Variants in FCRLA observed in about 807,000 individuals in gnomAD.
FCRLA encodes the protein Fc receptor-like A.
FCRLA carries 26 observed loss-of-function variants against 28.4 expected under a neutral mutation model. That is an observed-to-expected ratio of 0.91 (90% confidence interval 0.67 to 1.27). FCRLA has a LOEUF of 1.27. FCRLA is among the 50% of genes most tolerant of loss of function. FCRLA has a pLI of 0.00. For missense variants in FCRLA, 422 were observed against 433.1 expected (o/e 0.97, Z 0.23); for synonymous variants, 174 against 168.5 (o/e 1.03, Z -0.25).
At chr1:161,710,043 G>A (rs1241888588) in intron 1 of FCRLA, among the ~76,000 whole-genome samples, 1 of 152,158 alleles carries the variant, frequency 6.6e-6, no homozygotes, top group East Asian at 1.9e-4. Flanking sequence ...AGACACTGCT[G>A]GGTACTGAAA....
Position 161,713,307 on chromosome 1 carries a change from G to A in FCRLA, c.1007G>A (p.Gly336Asp). The part of the protein sequence containing the change: ...KHMQDVRVLL[G>D]HLLMELRELS... The stretch of plus-strand genomic sequence containing the variant: ...ATGCAGGATGTGAGAGTCCTCCTCG[G>A]TCACCTGCTCATGGAGTTGAGGGAA... Residue 336 changes from glycine to aspartate, a missense_variant, in exon 5 of 5, where the codon GGT becomes GAT. Gly to Asp is a moderately conservative substitution (Grantham distance 94). This residue lies in a region of FCRLA where 185 missense variants were observed against 198.1 expected (regional missense o/e 0.93). Coordinates refer to ENST00000236938, the MANE Select transcript of FCRLA (RefSeq NM_032738.4). 3.1e-6 allele frequency: 5 copies of A among 1,614,210 alleles called. No individual in the cohort carries two copies. In the South Asian group the frequency reaches 5.5e-5, roughly 18 times the overall value.
chr1:161,710,679 C>G, intron 1 of FCRLA, 81 bp from the exon 2 acceptor site: 1 of 1,573,060 alleles, frequency 6.4e-7, no homozygotes. Context: ...GATGATTATC[C>G]TGGGAGATGG....
chr1:161,711,687 C>A, intron 3 of FCRLA: 5 of 728,628 alleles, frequency 6.9e-6, no homozygotes, highest in Non-Finnish European at 1.1e-5. Context: ...TCCTACCACC[C>A]AGATCTATGC....
chr1:161,708,112 C>T (rs1682919131), intron 1 of FCRLA, among the ~76,000 whole-genome samples: 1 of 152,212 alleles, frequency 6.6e-6, no homozygotes. Context: ...TATCTACCTA[C>T]ATATCTCACA....
intron 2 of FCRLA, 66 bp downstream of exon 2, chr1:161,710,978 G>T: frequency 6.3e-7 from 1 of 1,594,498 alleles, no homozygotes; most frequent in Non-Finnish European, 8.6e-7. Context: ...GCCCACCCAG[G>T]AAAGTGTCCC....
At chr1:161,712,280 A>G (rs1683142503) in intron 4 of FCRLA, 62 bp downstream of exon 4, 3 of 1,553,196 alleles carry the variant, frequency 1.9e-6, no homozygotes, top group Non-Finnish European at 2.6e-6. Flanking sequence ...AAGGAGGGAT[A>G]GGATAAATTG....
intron 2 of FCRLA, 62 bp from the exon 3 acceptor site, chr1:161,711,146 T>A: frequency 1.3e-6 from 2 of 1,553,084 alleles, no homozygotes; most frequent in Non-Finnish European, 1.7e-6. Context: ...GGAGTAGGCA[T>A]GCTTGGGGGT....
At position 161,713,419 on chromosome 1, in the gene FCRLA, A is replaced by G; in HGVS notation, c.*39A>G. The G allele has an allele frequency of 1.3e-6, 2 of 1,499,332 alleles. No individual in the cohort carries two copies. The highest frequency in any genetic ancestry group is 1.8e-6 in the Non-Finnish European group (2 of 1,098,970). The allele number at this position is 1,499,332 out of a possible 1,614,324, so 92.9% of individuals were successfully genotyped here. A position where few individuals can be genotyped will look rare whatever the true frequency, so the allele number is the denominator to read the frequency against. ...ATCCATGATCTCACTTAACCACCCC[A>G]ATAAATCTGATTCTTTATTTTCTCT... On this transcript the variant is annotated 3_prime_UTR_variant, in exon 5 of 5. Coordinates refer to ENST00000236938, the MANE Select transcript of FCRLA (RefSeq NM_032738.4).
At chr1:161,708,729 G>T (rs1186454262) in intron 1 of FCRLA, among the ~76,000 whole-genome samples, 2 of 152,074 alleles carry the variant, frequency 1.3e-5, no homozygotes, top group East Asian at 3.9e-4. Flanking sequence ...AAATGTGTAG[G>T]TACCCCTAAA....
At chr1:161,708,770 A>G (rs1682955470) in intron 1 of FCRLA, among the ~76,000 whole-genome samples, 1 of 152,220 alleles carries the variant, frequency 6.6e-6, no homozygotes, top group Non-Finnish European at 1.5e-5. Context: ...TTTTCCAGGT[A>G]GCTTTTCTTG....
At chr1:161,711,761 C>T in intron 3 of FCRLA, 173 bp from the exon 4 acceptor site, 1 of 873,420 alleles carries the variant, frequency 1.1e-6, no homozygotes, top group South Asian at 1.7e-5. Context: ...TGGATCTTTC[C>T]TAGTCCTGTC....
intron 1 of FCRLA, among the ~76,000 whole-genome samples, chr1:161,709,189 G>A (rs1216399652): frequency 6.6e-6 from 1 of 152,072 alleles, no homozygotes. Context: ...GTGCAGTGGT[G>A]CAATCACTGC....
chr1:161,712,614 G>A (rs989084792), intron 4 of FCRLA, among the ~76,000 whole-genome samples: 8 of 152,194 alleles, frequency 5.3e-5, no homozygotes, highest in Admixed American at 4.6e-4. Context: ...CAGAAGAGGT[G>A]TCCAGGGTGA....
chr1:161,714,345 G>T lies in FCRLA; in HGVS notation c.*965G>T, dbSNP rs1331635702. The T allele has an allele frequency of 6.6e-6, 1 of 152,338 alleles. No homozygotes were observed. Among genetic ancestry groups the T allele is most frequent in the South Asian group, 2.1e-4 (1 of 4,830 alleles). 9.4% of individuals were successfully genotyped at this position (152,338 alleles called of 1,614,324 possible). Reference sequence around the variant, plus strand: ...TATGAGAAATAAAATTCTGTTGTTTGTAAGCTATTCAGTTTGTGTATTTTG... The same window carrying T: ...TATGAGAAATAAAATTCTGTTGTTTTTAAGCTATTCAGTTTGTGTATTTTG... On this transcript the variant is annotated 3_prime_UTR_variant, in exon 5 of 5. Coordinates refer to ENST00000236938, the MANE Select transcript of FCRLA (RefSeq NM_032738.4).
Position 161,713,699 on chromosome 1 carries a change from A to C in FCRLA, c.*319A>C. The C allele has an allele frequency of 5.0e-6, 1 of 199,414 alleles. No homozygotes were observed. Among genetic ancestry groups the C allele is most frequent in the Non-Finnish European group, 1.0e-5 (1 of 99,574 alleles). 12.4% of individuals were successfully genotyped at this position (199,414 alleles called of 1,614,324 possible). Reference sequence around the variant, plus strand: ...AATACAGCAGTCTCAACTGGGGGCAATTTTGCCCCCCAGAGGACATTGGGC... The same window carrying C: ...AATACAGCAGTCTCAACTGGGGGCACTTTTGCCCCCCAGAGGACATTGGGC... On this transcript the variant is annotated 3_prime_UTR_variant, in exon 5 of 5. Transcript: ENST00000236938.
Position 161,708,547 on chromosome 1 carries a change from A to G in FCRLA, c.79+1204A>G, listed in dbSNP as rs917186817. ...TTTATCATGGCACAAAAGGCCAAGC[A>G]GCCTCTACTTTTACCCTCTCAGCCT... On this transcript the variant is annotated intron_variant, in intron 1 of 4. Transcript: ENST00000236938. 7.2e-5 allele frequency among the ~76,000 whole-genome samples: 11 copies of G among 152,258 alleles called. No individual in the cohort carries two copies. In the East Asian group the frequency reaches 2.1e-3, roughly 29 times the overall value.
intron 4 of FCRLA, 42 bp from the exon 5 acceptor site, chr1:161,713,043 T>A (rs1683182471): frequency 6.4e-7 from 1 of 1,569,372 alleles, no homozygotes; most frequent in Non-Finnish European, 8.6e-7. Context: ...AGGGCCAGAG[T>A]CAGACTTCAC....
intron 4 of FCRLA, 151 bp downstream of exon 4, chr1:161,712,369 T>A (rs1683146769): frequency 2.2e-6 from 2 of 919,470 alleles, no homozygotes; most frequent in Non-Finnish European, 3.2e-6. Context: ...GAATCCCTGA[T>A]GATGAGAGAC....
In FCRLA at chr1:161,712,136, C is replaced by T. The variant is rs150681939; in HGVS notation, c.702C>T (p.His234=). Residue 234 remains histidine (H), a synonymous_variant, in exon 4 of 5, where the codon CAC becomes CAT. Coordinates refer to ENST00000236938, the MANE Select transcript of FCRLA (RefSeq NM_032738.4). ...AGATCCCCACAGCTTCAGAAGATCA[C>T]TCCGGGTCATACTGGTGTGAGGCAG... is the stretch of plus-strand genomic sequence containing the variant. ...EFQIPTASED[H]SGSYWCEAAT... 2.5e-6 allele frequency: 4 copies of T among 1,614,194 alleles called. No homozygotes were observed. Among genetic ancestry groups the T allele is most frequent in the African/African-American group, 1.3e-5 (1 of 75,042 alleles).
Sources: gnomAD v4.1 joint callset for allele counts (sites outside exome capture counted in the v4.1 genomes callset) on GRCh38, gnomAD v4.1.1 for gene constraint, gnomAD v4.1.1 regional missense constraint, MANE v1.5 for transcripts, NCBI Gene and HGNC (gene_info 2026-07-23, HGNC 2026-07-21) for gene names.